The following YIF1B variants were observed in gnomAD, a reference collection of about 807,000 sequenced individuals.
The protein encoded by YIF1B is Yip1 interacting factor homolog B, membrane trafficking protein.
A neutral mutation model predicts 34.6 loss-of-function variants in YIF1B; 24 were observed. The observed-to-expected ratio is 0.69, with a 90% CI of 0.50 to 0.98. The LOEUF is 0.98. Among genes scored for constraint, YIF1B ranks in the 50% least tolerant of loss-of-function variants. The pLI, the probability that YIF1B is intolerant of heterozygous loss-of-function variation, is 0.00. For synonymous variants in YIF1B, 186 were observed against 184.8 expected, an observed-to-expected ratio of 1.01 and a Z score of -0.05; for missense variants, 368 against 429.4, an observed-to-expected ratio of 0.86 and a Z score of 1.26.
chr19:38,316,823 G>C (rs772683509), upstream of YIF1B, among the ~76,000 whole-genome samples: 2 of 152,106 alleles, frequency 1.3e-5, no homozygotes, highest in African/African-American at 4.8e-5. Flanking sequence ...ACCATGCCCA[G>C]CTAATTTTTA....
Position 38,309,972 on chromosome 19 carries a change from CCATTCAT to C in YIF1B, c.59-336_59-330del, listed in dbSNP as rs1357198993. 2.3e-4 allele frequency: 107 copies of C among 465,384 alleles called. 1 individual carries two copies. The highest frequency in any genetic ancestry group is 3.2e-4 in the African/African-American group (9 of 28,296). The allele number at this position is 465,384 out of a possible 1,614,324, so 28.8% of individuals were successfully genotyped here. On this transcript the variant is annotated intron_variant, in intron 1 of 7. Transcript: ENST00000339413. Reference sequence around the variant, plus strand: ...TCCATCTAACCATCCATCCATCCATCCATTCATCCATCCATCCATCCAGCCATCCATC... The same window carrying C: ...TCCATCTAACCATCCATCCATCCATCCCATCCATCCATCCAGCCATCCATC...
chr19:38,308,019 G>C (rs1969138902), intron 5 of YIF1B, among the ~76,000 whole-genome samples: 2 of 152,228 alleles, frequency 1.3e-5, no homozygotes, highest in Non-Finnish European at 2.9e-5. Context: ...CTTCCCAGGA[G>C]AGGGGACACC....
At position 38,304,994 on chromosome 19, in the gene YIF1B, C is replaced by G. The variant is rs1968939088; in HGVS notation, c.*358G>C. 1.3e-6 allele frequency: 2 copies of G among 1,571,052 alleles called. No individual in the cohort carries two copies. Among genetic ancestry groups the G allele is most frequent in the Non-Finnish European group, 1.7e-6 (2 of 1,158,634 alleles). ...CCCTGGACAGGGCTCATTAAACCTT[C>G]CTCTCTGCCTTCTGCGACTGGTCAG... On this transcript the variant is annotated 3_prime_UTR_variant, in exon 8 of 8. Coordinates refer to ENST00000339413, the MANE Select transcript of YIF1B (RefSeq NM_001039672.3).
In YIF1B at chr19:38,304,703, A is replaced by G. The variant is rs762895096; in HGVS notation, c.*649T>C. ...GATGTGAAGGTAAGGGGCTCTCGCC[A>G]GCGTCCCCAAGCACGTGCCCTGCAC... On this transcript the variant is annotated 3_prime_UTR_variant, in exon 8 of 8. Transcript: ENST00000339413. 6.2e-7 allele frequency: 1 copy of G among 1,613,472 alleles called. No homozygotes were observed. The highest frequency in any genetic ancestry group is 8.5e-7 in the Non-Finnish European group (1 of 1,179,962).
At chr19:38,314,547 T>C (rs1600407006) in intron 1 of YIF1B, among the ~76,000 whole-genome samples, 1 of 151,656 alleles carries the variant, frequency 6.6e-6, no homozygotes, top group African/African-American at 2.4e-5. Flanking sequence ...GCCAGGCTGG[T>C]TGGCTGGGCA....
At chr19:38,313,733 C>G (rs1046035471) in intron 1 of YIF1B, among the ~76,000 whole-genome samples, 1 of 152,260 alleles carries the variant, frequency 6.6e-6, no homozygotes, top group Non-Finnish European at 1.5e-5. Context: ...GCCACATGGC[C>G]TTTCAGGCCC....
upstream of YIF1B, among the ~76,000 whole-genome samples, chr19:38,317,579 G>T (rs189629734): frequency 6.0e-5 from 9 of 149,412 alleles, no homozygotes; most frequent in African/African-American, 7.4e-5. Flanking sequence ...TTTTCTTATT[G>T]CTTTTTTGTT....
At chr19:38,320,241 C>A, upstream of YIF1B, 1 of 1,606,272 alleles carries the variant, frequency 6.2e-7, no homozygotes, top group South Asian at 1.1e-5. Flanking sequence ...CCTCTGCTCT[C>A]TTCTTCGCCA....
In YIF1B at chr19:38,304,427, T is replaced by C. The variant is rs746951877; in HGVS notation, c.*925A>G. 1 of 1,560,488 alleles carries C rather than the reference T, an allele frequency of 6.4e-7. No homozygotes were observed. Among genetic ancestry groups the C allele is most frequent in the Admixed American group, 1.9e-5 (1 of 51,436 alleles). ...GTGTGGGGGCGGGCCACGGGGGAGA[T>C]CCCAAGCTCAGTCCCCACAAAGTTC... is the stretch of plus-strand genomic sequence containing the variant. On this transcript the variant is annotated 3_prime_UTR_variant, in exon 8 of 8. Coordinates refer to ENST00000339413, the MANE Select transcript of YIF1B (RefSeq NM_001039672.3).
chr19:38,306,716 C>T (rs1050444813), intron 7 of YIF1B: 8 of 236,788 alleles, frequency 3.4e-5, no homozygotes, highest in South Asian at 1.7e-4. Flanking sequence ...GAGTCTCGCT[C>T]TGTCACCCAG....
rs1968860103 is a variant in YIF1B, at chr19:38,303,705, G to A, written c.*1647C>T. Among the ~76,000 whole-genome samples the A allele has an allele frequency of 6.6e-6, 1 of 152,212 alleles. No individual in the cohort carries two copies. Reference sequence around the variant, plus strand: ...GTTATTTACAGATGAGGAAACTGAGGCACAGAGGTAAAACAACTTTGCTGA... The same window carrying A: ...GTTATTTACAGATGAGGAAACTGAGACACAGAGGTAAAACAACTTTGCTGA... On this transcript the variant is annotated 3_prime_UTR_variant, in exon 8 of 8. Coordinates refer to ENST00000339413, the MANE Select transcript of YIF1B (RefSeq NM_001039672.3).
intron 1 of YIF1B, among the ~76,000 whole-genome samples, chr19:38,314,173 G>A (rs1040357534): frequency 2.7e-5 from 4 of 149,674 alleles, no homozygotes; most frequent in Admixed American, 6.7e-5. Flanking sequence ...TTACAGGTGC[G>A]CGCCACCACG....
chr19:38,309,142 C>T (rs1969198386), intron 3 of YIF1B, 82 bp downstream of exon 3: 1 of 1,574,100 alleles, frequency 6.4e-7, no homozygotes, highest in African/African-American at 1.3e-5. Context: ...AGGCGAATCT[C>T]CCGGCTCCAC....
intron 1 of YIF1B, 38 bp downstream of exon 1, chr19:38,315,822 C>T (rs1969526347): frequency 4.6e-6 from 7 of 1,507,996 alleles, no homozygotes; most frequent in Non-Finnish European, 6.2e-6. Context: ...CGCCCCGCCA[C>T]GCCCCCGCCC....
chr19:38,305,159 CT>C lies in YIF1B; in HGVS notation c.*192del. 7.2e-7 allele frequency: 1 copy of C among 1,391,018 alleles called. No individual in the cohort carries two copies. The highest frequency in any genetic ancestry group is 1.5e-5 in the South Asian group (1 of 66,978). The allele number at this position is 1,391,018 out of a possible 1,614,324, so 86.2% of individuals were successfully genotyped here. A position where few individuals can be genotyped will look rare whatever the true frequency, so the allele number is the denominator to read the frequency against. On this transcript the variant is annotated 3_prime_UTR_variant, in exon 8 of 8. Coordinates refer to ENST00000339413, the MANE Select transcript of YIF1B (RefSeq NM_001039672.3). ...TTGTTTCTGTAACAGCGGCCACGCC[CT>C]GGGGCGGTGGCCTGTGCAGCTGGAG... is the stretch of plus-strand genomic sequence containing the variant.
chr19:38,308,965 G>T lies in YIF1B; in HGVS notation c.481+14C>A, dbSNP rs746819966. ...GAAGAGAGAGGAGGGTGCAGGGTAG[G>T]GGGAGGGTGAAACCTGGAATGTAGA... On this transcript the variant is annotated intron_variant, in intron 4 of 7. Coordinates refer to ENST00000339413, the MANE Select transcript of YIF1B (RefSeq NM_001039672.3). The T allele has an allele frequency of 5.6e-6, 9 of 1,607,912 alleles. No individual in the cohort carries two copies. Among genetic ancestry groups the T allele is most frequent in the African/African-American group, 1.3e-5 (1 of 74,730 alleles).
upstream of YIF1B, among the ~76,000 whole-genome samples, chr19:38,318,836 G>A (rs1376283920): frequency 6.6e-6 from 1 of 152,200 alleles, no homozygotes; most frequent in African/African-American, 2.4e-5. Context: ...TCAGGAAGGC[G>A]CTGAGTTCTG....
chr19:38,307,417 GC>G lies in YIF1B; in HGVS notation c.789+10del, dbSNP rs1446027942. On this transcript the variant is annotated intron_variant, in intron 7 of 7. Coordinates refer to ENST00000339413, the MANE Select transcript of YIF1B (RefSeq NM_001039672.3). ...TGTGCCTCAGCCTCACCAGCCCCGAGCCCAGCTCACCATGAACACAAAGATG... is the reference window on the plus strand; with the variant it reads ...TGTGCCTCAGCCTCACCAGCCCCGAGCCAGCTCACCATGAACACAAAGATG... 3 of 1,613,286 alleles carry G rather than the reference GC, an allele frequency of 1.9e-6. No individual in the cohort carries two copies. The South Asian group carries it at 3.3e-5, about 18-fold the overall frequency.
At chr19:38,314,923 C>G (rs942281853) in intron 1 of YIF1B, among the ~76,000 whole-genome samples, 1 of 152,028 alleles carries the variant, frequency 6.6e-6, no homozygotes, top group African/African-American at 2.4e-5. Flanking sequence ...TGCCCTCTCA[C>G]TACAAATCTC....
Sources: allele counts gnomAD v4.1 joint callset (sites outside exome capture counted in the v4.1 genomes callset), GRCh38; gene constraint gnomAD v4.1.1; transcripts MANE v1.5; gene names NCBI Gene and HGNC (gene_info 2026-07-23, HGNC 2026-07-21).